The following RAPGEF5 variants were observed in gnomAD, a reference collection of about 807,000 sequenced individuals.
RAPGEF5 encodes the protein M-Ras-regulated GEF.
RAPGEF5 carries 65 observed loss-of-function variants against 125.2 expected under a neutral mutation model. That is an observed-to-expected ratio of 0.52 (90% CI 0.43 to 0.64). The LOEUF (loss-of-function observed/expected upper bound fraction) is 0.64, where lower values mean the gene tolerates loss of function less well. RAPGEF5 is among the 30% of genes least tolerant of loss of function. The probability of loss-of-function intolerance (pLI) is 0.00; values close to 1 mark genes in which losing one functional copy is unlikely to be tolerated. For synonymous variants in RAPGEF5, 391 were observed against 385.9 expected, an observed-to-expected ratio of 1.01 and a Z score of -0.16; for missense variants, 958 against 1,048.1, an observed-to-expected ratio of 0.91 and a Z score of 1.19.
chr7:22,155,599 A>G (rs1446024753), intron 16 of RAPGEF5, among the ~76,000 whole-genome samples: 1 of 152,248 alleles, frequency 6.6e-6, no homozygotes, highest in Non-Finnish European at 1.5e-5. Flanking sequence ...AAGTCTAACT[A>G]TGAGTTTATA....
chr7:22,168,425 C>A (rs925761694), intron 11 of RAPGEF5, among the ~76,000 whole-genome samples: 16 of 152,202 alleles, frequency 1.1e-4, no homozygotes, highest in African/African-American at 3.9e-4. Flanking sequence ...AAATAAATGT[C>A]TGTTGTTTAA....
At chr7:22,154,320 T>A in intron 17 of RAPGEF5, 135 bp downstream of exon 17, 1 of 1,009,600 alleles carries the variant, frequency 9.9e-7, no homozygotes. Context: ...GTAGGCAGCT[T>A]CTTATTGTTA....
chr7:22,154,182 T>C (rs1783724345), intron 17 of RAPGEF5, among the ~76,000 whole-genome samples: 1 of 152,182 alleles, frequency 6.6e-6, no homozygotes, highest in Admixed American at 6.6e-5. Context: ...ATAGAAGGCT[T>C]ATCTAGAGTA....
chr7:22,130,671 A>G (rs1231426611), intron 24 of RAPGEF5, among the ~76,000 whole-genome samples: 1 of 152,178 alleles, frequency 6.6e-6, no homozygotes. Flanking sequence ...AGATGCCTAT[A>G]AAGCAGTAAA....
rs185250351 is a variant in RAPGEF5, at chr7:22,245,506, G to T, written c.797-14587C>A. The stretch of plus-strand genomic sequence containing the variant: ...TTTTTGTATATGGTGTGAGATAGGG[G>T]GTCCAATTTCATTCTTCTGCTTGAG... On this transcript the variant is annotated intron_variant, in intron 7 of 25. Transcript: ENST00000665637. Among the ~76,000 whole-genome samples, 483 of 151,894 alleles carry T rather than the reference G, an allele frequency of 3.2e-3. 5 individuals carry two copies. Among genetic ancestry groups the T allele is most frequent in the Non-Finnish European group, 5.0e-3 (342 of 67,966 alleles).
intron 3 of RAPGEF5, among the ~76,000 whole-genome samples, chr7:22,313,283 C>T (rs1313546983): frequency 6.6e-6 from 1 of 152,160 alleles, no homozygotes; most frequent in African/African-American, 2.4e-5. Flanking sequence ...GTGACGTATT[C>T]ATGCAAAGAA....
chr7:22,239,273 C>G (rs1054076670), intron 7 of RAPGEF5, among the ~76,000 whole-genome samples: 6 of 152,148 alleles, frequency 3.9e-5, no homozygotes, highest in Non-Finnish European at 7.4e-5. Flanking sequence ...TGCCTTCCCC[C>G]CAAATCCTCC....
intron 9 of RAPGEF5, chr7:22,202,947 G>A (rs754998376): frequency 2.9e-6 from 1 of 339,758 alleles, no homozygotes. Context: ...AAACTATATT[G>A]TAACTGTATG....
chr7:22,216,873 T>A lies in RAPGEF5; in HGVS notation c.996+2993A>T, dbSNP rs1583489581. Among the ~76,000 whole-genome samples, 3 of 152,256 alleles carry A rather than the reference T, an allele frequency of 2.0e-5. No homozygotes were observed. In the South Asian group the frequency reaches 6.2e-4, roughly 31 times the overall value. On this transcript the variant is annotated intron_variant, in intron 9 of 25. Transcript: ENST00000665637. Reference sequence around the variant, plus strand: ...AGAGTGAAGCATTTCTCTAATGGCATGCATTTATAATCACAGCATTTAGCA... The same window carrying A: ...AGAGTGAAGCATTTCTCTAATGGCAAGCATTTATAATCACAGCATTTAGCA...
chr7:22,173,156 G>A (rs2128118168), intron 11 of RAPGEF5, among the ~76,000 whole-genome samples: 1 of 152,196 alleles, frequency 6.6e-6, no homozygotes. Context: ...GTCCTGGAAT[G>A]TTACAACTTG....
At chr7:22,283,759 T>C (rs964270380) in intron 6 of RAPGEF5, among the ~76,000 whole-genome samples, 2 of 152,204 alleles carry the variant, frequency 1.3e-5, no homozygotes, top group East Asian at 3.8e-4. Flanking sequence ...CAGAAACAGA[T>C]ATTCAAATAT....
chr7:22,205,879 T>C (rs1396366411), intron 9 of RAPGEF5, among the ~76,000 whole-genome samples: 1 of 152,246 alleles, frequency 6.6e-6, no homozygotes, highest in Non-Finnish European at 1.5e-5. Context: ...CCATCTGTCC[T>C]GTATCAACAC....
chr7:22,239,946 T>C (rs1277096624), intron 7 of RAPGEF5, among the ~76,000 whole-genome samples: 1 of 151,980 alleles, frequency 6.6e-6, no homozygotes, highest in Non-Finnish European at 1.5e-5. Flanking sequence ...TGGTGGCTCA[T>C]GCCTGTAATC....
chr7:22,163,607 T>C (rs1402197875), intron 12 of RAPGEF5, among the ~76,000 whole-genome samples: 1 of 152,188 alleles, frequency 6.6e-6, no homozygotes. Context: ...ACGATGACCA[T>C]ATGTAAATTA....
intron 7 of RAPGEF5, among the ~76,000 whole-genome samples, chr7:22,233,499 C>T (rs1276674957): frequency 6.6e-6 from 1 of 152,126 alleles, no homozygotes; most frequent in Non-Finnish European, 1.5e-5. Context: ...GAACATAGAA[C>T]ATGCAGGACA....
chr7:22,290,841 T>C (rs1250791851), intron 6 of RAPGEF5, among the ~76,000 whole-genome samples: 1 of 152,148 alleles, frequency 6.6e-6, no homozygotes, highest in African/African-American at 2.4e-5. Context: ...TTCTTTTTTT[T>C]CCCTAATGAA....
chr7:22,128,679 G>C (rs1055856500), intron 24 of RAPGEF5, among the ~76,000 whole-genome samples: 2 of 152,124 alleles, frequency 1.3e-5, no homozygotes, highest in Non-Finnish European at 2.9e-5. Context: ...GTTTTATCCT[G>C]TCTACTCTGT....
chr7:22,155,312 T>C (rs143699218), intron 16 of RAPGEF5, among the ~76,000 whole-genome samples: 1 of 152,338 alleles, frequency 6.6e-6, no homozygotes, highest in African/African-American at 2.4e-5. Context: ...GGTGAATGGG[T>C]CCTGAAAAAT....
Position 22,122,327 on chromosome 7 carries a change from A to G in RAPGEF5, c.*79T>C. 1.7e-6 allele frequency: 2 copies of G among 1,210,014 alleles called. No homozygotes were observed. Among genetic ancestry groups the G allele is most frequent in the Non-Finnish European group, 2.4e-6 (2 of 835,798 alleles). 75.0% of individuals were successfully genotyped at this position (1,210,014 alleles called of 1,614,324 possible). The stretch of plus-strand genomic sequence containing the variant: ...ATAAAACTCAGCAACTTCTTTTCTC[A>G]CAGGAAAGCAACGTGCTTGGCATAG... On this transcript the variant is annotated 3_prime_UTR_variant, in exon 26 of 26. Transcript: ENST00000665637.
Sources: gnomAD v4.1 joint callset for allele counts (sites outside exome capture counted in the v4.1 genomes callset) on GRCh38, gnomAD v4.1.1 for gene constraint, MANE v1.5 for transcripts, NCBI Gene and HGNC (gene_info 2026-07-23, HGNC 2026-07-21) for gene names.